Variants in NHSL2 observed in about 807,000 individuals in gnomAD.
The protein encoded by NHSL2 is NHS-like protein 2.
Under a neutral mutation model 53.4 loss-of-function variants are expected in NHSL2, and 27 were observed. The ratio of observed to expected loss-of-function variants is 0.51; its 90% CI spans 0.37 to 0.70. NHSL2 has a LOEUF of 0.70. Ranked by LOEUF, NHSL2 falls within the 30% of genes least tolerant of loss-of-function variation. The pLI, the probability that NHSL2 is intolerant of heterozygous loss-of-function variation, is 0.00. For missense variants in NHSL2, 892 were observed against 980.1 expected, an observed-to-expected ratio of 0.91 and a Z score of 1.20; for synonymous variants, 408 against 404.1, an observed-to-expected ratio of 1.01 and a Z score of -0.12.
intron 1 of NHSL2, among the ~76,000 whole-genome samples, chrX:72,046,953 A>T (rs760650607): frequency 1.2e-4 from 13 of 111,819 alleles, no homozygotes; most frequent in Non-Finnish European, 2.4e-4. Flanking sequence ...ACTGAGATTC[A>T]GAGAGGTTAA....
chrX:72,138,582 T>C lies in NHSL2; in HGVS notation c.1034T>C (p.Leu345Pro), dbSNP rs192452899. ...ARFPSLTSPV[L>P]RTPSSEPDEP... is the part of the protein sequence containing the mutation. ...TTCCCAAGTCTCACCTCGCCAGTAC[T>C]GAGAACTCCTTCCAGTGAGCCGGAC... Residue 345 changes from leucine to proline, a missense_variant, in exon 6 of 8, where the codon CTG becomes CCG. Transcript: ENST00000633930. The C allele has an allele frequency of 1.5e-3, 1,718 of 1,165,797 alleles. 2 individuals carry two copies. Among genetic ancestry groups the C allele is most frequent in the Non-Finnish European group, 1.2e-3 (1,055 of 872,434 alleles).
Position 72,095,130 on chromosome X carries a change from T to C in NHSL2, c.281-36949T>C, listed in dbSNP as rs760357884. On this transcript the variant is annotated intron_variant, in intron 1 of 7. Coordinates refer to ENST00000633930, the MANE Select transcript of NHSL2 (RefSeq NM_001013627.3). ...GCCATGGTTCCCAAGCACTTTTGCTTATGATTTCTCTCAATCGCTTATAGC... is the reference window on the plus strand; with the variant it reads ...GCCATGGTTCCCAAGCACTTTTGCTCATGATTTCTCTCAATCGCTTATAGC... 4.5e-5 allele frequency among the ~76,000 whole-genome samples: 5 copies of C among 112,067 alleles called. No homozygotes were observed. The South Asian group carries it at 1.8e-3, about 41-fold the overall frequency.
intron 1 of NHSL2, among the ~76,000 whole-genome samples, chrX:72,034,167 T>G (rs1339229574): frequency 8.9e-6 from 1 of 112,315 alleles, no homozygotes; most frequent in Non-Finnish European, 1.9e-5. Context: ...AATCCATTGA[T>G]TGGATTATAT....
intron 1 of NHSL2, among the ~76,000 whole-genome samples, chrX:72,068,540 C>T (rs759846133): frequency 1.2e-4 from 13 of 112,670 alleles, no homozygotes; most frequent in African/African-American, 3.9e-4. Flanking sequence ...CCCTTCCTCA[C>T]AGCCAGGCTG....
intron 1 of NHSL2, among the ~76,000 whole-genome samples, chrX:71,954,149 G>A (rs2041832584): frequency 8.9e-6 from 1 of 112,246 alleles, no homozygotes; most frequent in African/African-American, 3.2e-5. Context: ...GAGGCATCTG[G>A]CGTTTATCTA....
chrX:72,010,164 G>C (rs775767154), intron 1 of NHSL2, among the ~76,000 whole-genome samples: 2 of 112,415 alleles, frequency 1.8e-5, no homozygotes, highest in East Asian at 5.6e-4. Context: ...CATAGTCATA[G>C]GGGCACTGGT....
In NHSL2 at chrX:72,065,285, C is replaced by T. The variant is rs780508710; in HGVS notation, c.281-66794C>T. 3.6e-5 allele frequency among the ~76,000 whole-genome samples: 4 copies of T among 112,156 alleles called. No individual in the cohort carries two copies. In the East Asian group the frequency reaches 1.1e-3, roughly 32 times the overall value. ...ACTGAGTCATCCTCTGTGCAAGGCCCTCCACAAGGCACAGCTTCAAACACC... is the reference window on the plus strand; with the variant it reads ...ACTGAGTCATCCTCTGTGCAAGGCCTTCCACAAGGCACAGCTTCAAACACC... On this transcript the variant is annotated intron_variant, in intron 1 of 7. Coordinates refer to ENST00000633930, the MANE Select transcript of NHSL2 (RefSeq NM_001013627.3).
In NHSL2 at chrX:72,145,533, A is replaced by G. The variant is rs1441227555; in HGVS notation, c.*1959A>G. ...ATTCCAAATTCCAGGGATTTTGCCC[A>G]AAATAAAATCAATTCATCCCTGGCC... On this transcript the variant is annotated 3_prime_UTR_variant, in exon 8 of 8. Transcript: ENST00000633930. 1 of 112,807 alleles carries G rather than the reference A, an allele frequency of 8.9e-6. No homozygotes were observed. The highest frequency in any genetic ancestry group is 9.3e-5 in the Admixed American group (1 of 10,701). The allele number at this position is 112,807 out of a possible 1,213,427, so 9.3% of individuals were successfully genotyped here.
At chrX:72,033,183 CTT>C (rs771573442) in intron 1 of NHSL2, among the ~76,000 whole-genome samples, 7 of 78,971 alleles carry the variant, frequency 8.9e-5, no homozygotes, top group Admixed American at 1.4e-4. Context: ...GAAGAATTGA[CTT>C]TTTTTTTTTT....
chrX:72,104,495 C>T (rs2042022472), intron 1 of NHSL2, among the ~76,000 whole-genome samples: 1 of 111,346 alleles, frequency 9.0e-6, no homozygotes, highest in South Asian at 3.7e-4. Context: ...TCATTTGAGT[C>T]AACAAGGAAG....
At chrX:71,982,365 G>A (rs1298471325) in intron 1 of NHSL2, among the ~76,000 whole-genome samples, 1 of 111,972 alleles carries the variant, frequency 8.9e-6, no homozygotes, top group Non-Finnish European at 1.9e-5. Context: ...TTCTTTTGGG[G>A]GGTGTGATGT....
chrX:71,917,264 C>A (rs1254442480), intron 1 of NHSL2, among the ~76,000 whole-genome samples: 2 of 64,706 alleles, frequency 3.1e-5, no homozygotes, highest in Non-Finnish European at 5.4e-5. Flanking sequence ...CCTCCCCCCT[C>A]CCTCCCTCCC....
chrX:72,115,441 G>GGA (rs2147483661), intron 1 of NHSL2, among the ~76,000 whole-genome samples: 1 of 71,327 alleles, frequency 1.4e-5, no homozygotes, highest in South Asian at 1.2e-3. Context: ...CGGGGGGGGG[G>GGA]TGCGGGGGGC....
At chrX:72,116,023 AC>A (rs2042136154) in intron 1 of NHSL2, among the ~76,000 whole-genome samples, 1 of 110,823 alleles carries the variant, frequency 9.0e-6, no homozygotes, top group Non-Finnish European at 1.9e-5. Context: ...CAAGCTTGAG[AC>A]CCCCTAGAGG....
At chrX:71,965,343 T>G (rs1263666695) in intron 1 of NHSL2, among the ~76,000 whole-genome samples, 3 of 112,809 alleles carry the variant, frequency 2.7e-5, no homozygotes, top group Non-Finnish European at 5.6e-5. Flanking sequence ...GATGTCCACT[T>G]GCTCCTGCAA....
chrX:72,133,308 T>A (rs2042324421), intron 2 of NHSL2, among the ~76,000 whole-genome samples: 1 of 111,980 alleles, frequency 8.9e-6, no homozygotes, highest in Non-Finnish European at 1.9e-5. Context: ...GGAGGGAGTC[T>A]GGGCACAGAA....
chrX:72,022,789 CT>C (rs2042166559), intron 1 of NHSL2, among the ~76,000 whole-genome samples: 1 of 111,549 alleles, frequency 9.0e-6, no homozygotes, highest in Non-Finnish European at 1.9e-5. Context: ...GAGTCTGAGG[CT>C]TAACTTAATC....
chrX:72,123,523 AGGGCTGAACTGT>A (rs1556367393), intron 1 of NHSL2, among the ~76,000 whole-genome samples: 1 of 111,063 alleles, frequency 9.0e-6, no homozygotes, highest in Non-Finnish European at 1.9e-5. Flanking sequence ...GAGAGGAGGA[AGGGCTGAACTGT>A]GGGTGGAGAG....
chrX:71,969,499 G>A (rs1160339279), intron 1 of NHSL2, among the ~76,000 whole-genome samples: 1 of 110,456 alleles, frequency 9.1e-6, no homozygotes, highest in East Asian at 2.8e-4. Context: ...TTTTAGTAGA[G>A]ACGGGGTTTC....
Sources: allele counts gnomAD v4.1 joint callset (sites outside exome capture counted in the v4.1 genomes callset), GRCh38; gene constraint gnomAD v4.1.1; transcripts MANE v1.5; gene names NCBI Gene and HGNC (gene_info 2026-07-23, HGNC 2026-07-21).